XIRP2: variants seen among roughly 807,000 people sequenced by gnomAD.
The protein encoded by XIRP2 is xin actin-binding repeat-containing protein 2.
XIRP2 carries 236 observed loss-of-function variants against 277.0 expected under a neutral mutation model. The ratio of observed to expected loss-of-function variants is 0.85; its 90% CI spans 0.77 to 0.95. The LOEUF is 0.95. Ranked by LOEUF, XIRP2 falls within the 40% of genes least tolerant of loss-of-function variation. XIRP2 has a pLI of 0.00. For missense variants in XIRP2, 4,640 were observed against 4,157.5 expected, an observed-to-expected ratio of 1.12 and a Z score of -3.19; for synonymous variants, 1,490 against 1,416.5, an observed-to-expected ratio of 1.05 and a Z score of -1.17.
intron 2 of XIRP2, among the ~76,000 whole-genome samples, chr2:166,942,474 T>G (rs1337986442): frequency 6.6e-6 from 1 of 152,222 alleles, no homozygotes; most frequent in Non-Finnish European, 1.5e-5. Context: ...CATTTGCAAC[T>G]GCGGGCAGTC....
chr2:167,012,783 T>C (rs1687718642), intron 2 of XIRP2, among the ~76,000 whole-genome samples: 2 of 151,596 alleles, frequency 1.3e-5, no homozygotes, highest in African/African-American at 2.4e-5. Context: ...TACACAACAT[T>C]CTTCCTATGT....
intron 1 of XIRP2, among the ~76,000 whole-genome samples, chr2:166,902,902 G>C (rs988333281): frequency 6.6e-6 from 1 of 152,054 alleles, no homozygotes; most frequent in Admixed American, 6.6e-5. Context: ...ATAATGTTAA[G>C]ATTAAAATGA....
At chr2:166,889,930 T>G (rs1309067316) in intron 1 of XIRP2, 1 of 103,454 alleles carries the variant, frequency 9.7e-6, no homozygotes, top group Non-Finnish European at 2.5e-5. Flanking sequence ...TGAATGGTGT[T>G]GTGTCTTCTC....
chr2:167,060,393 A>G (rs1203435747), intron 2 of XIRP2, among the ~76,000 whole-genome samples: 1 of 152,138 alleles, frequency 6.6e-6, no homozygotes, highest in African/African-American at 2.4e-5. Context: ...AACCAAAGAG[A>G]ATTTTTCCTG....
intron 2 of XIRP2, among the ~76,000 whole-genome samples, chr2:166,981,176 G>T (rs1431979430): frequency 6.6e-6 from 1 of 152,036 alleles, no homozygotes; most frequent in Non-Finnish European, 1.5e-5. Flanking sequence ...GAACCTGGGG[G>T]TCTTACAACA....
intron 2 of XIRP2, among the ~76,000 whole-genome samples, chr2:166,925,596 CATATATAT>C (rs3060398): frequency 0.062 from 6,396 of 102,408 alleles, 389 homozygotes; most frequent in African/African-American, 0.15. Flanking sequence ...TGTGTATATA[CATATATAT>C]ATATATATAT....
chr2:167,126,917 C>T (rs1691222801), intron 2 of XIRP2, among the ~76,000 whole-genome samples: 2 of 152,138 alleles, frequency 1.3e-5, no homozygotes, highest in African/African-American at 4.8e-5. Flanking sequence ...TAACACCATG[C>T]CTGATATGTA....
Position 167,009,375 on chromosome 2 carries a change from C to T in XIRP2, c.408+105485C>T, listed in dbSNP as rs1247611260. On this transcript the variant is annotated intron_variant, in intron 2 of 10. Transcript: ENST00000409195. ...TGATGCTTTCCAATTTCATCCATGT[C>T]CCTACAAAGGACATGAACTCATCAT... Among the ~76,000 whole-genome samples, 3 of 151,948 alleles carry T rather than the reference C, an allele frequency of 2.0e-5. No individual in the cohort carries two copies. The East Asian group carries it at 5.8e-4, about 30-fold the overall frequency.
intron 2 of XIRP2, among the ~76,000 whole-genome samples, chr2:166,980,320 T>G (rs983608707): frequency 1.1e-4 from 17 of 152,182 alleles, no homozygotes; most frequent in Admixed American, 4.6e-4. Context: ...GGGTCATGCT[T>G]TTTAAATCCA....
At position 167,109,583 on chromosome 2, in the gene XIRP2, A is replaced by G. The variant is rs1690698620; in HGVS notation, c.409-26326A>G. On this transcript the variant is annotated intron_variant, in intron 2 of 10. Coordinates refer to ENST00000409195, the MANE Select transcript of XIRP2 (RefSeq NM_152381.6). Reference sequence around the variant, plus strand: ...GGCATGAGCCACTGTGCCCTGGCCAACCACATTTTCTTTAACCAGTCTAAC... The same window carrying G: ...GGCATGAGCCACTGTGCCCTGGCCAGCCACATTTTCTTTAACCAGTCTAAC... Among the ~76,000 whole-genome samples, 3 of 152,288 alleles carry G rather than the reference A, an allele frequency of 2.0e-5. No homozygotes were observed. The South Asian group carries it at 6.2e-4, about 32-fold the overall frequency.
intron 3 of XIRP2, among the ~76,000 whole-genome samples, chr2:167,176,450 A>T (rs776750980): frequency 6.6e-6 from 1 of 152,144 alleles, no homozygotes; most frequent in Non-Finnish European, 1.5e-5. Context: ...CCATTCAACC[A>T]TCTTGCCAGT....
intron 2 of XIRP2, among the ~76,000 whole-genome samples, chr2:167,091,918 C>T (rs1290536940): frequency 6.6e-6 from 1 of 152,036 alleles, no homozygotes; most frequent in Non-Finnish European, 1.5e-5. Context: ...GGGTCCAATC[C>T]CAAAGTCTAG....
At chr2:167,025,001 A>G (rs75235356) in intron 2 of XIRP2, among the ~76,000 whole-genome samples, 2 of 151,834 alleles carry the variant, frequency 1.3e-5, no homozygotes, top group African/African-American at 2.4e-5. Context: ...CTCTTTTTCT[A>G]TTGATTGGAA....
intron 2 of XIRP2, among the ~76,000 whole-genome samples, chr2:166,968,740 A>G (rs1225776415): frequency 6.6e-6 from 1 of 151,912 alleles, no homozygotes; most frequent in Admixed American, 6.6e-5. Flanking sequence ...AAGGTAAAAA[A>G]TTTGATTTTT....
At chr2:167,174,185 AAT>A (rs1428251179) in intron 3 of XIRP2, among the ~76,000 whole-genome samples, 1 of 152,152 alleles carries the variant, frequency 6.6e-6, no homozygotes, top group Admixed American at 6.5e-5. Context: ...TTTCAGAAGG[AAT>A]GGTACCAACT....
chr2:166,941,516 T>C (rs1390206430), intron 2 of XIRP2, among the ~76,000 whole-genome samples: 2 of 152,186 alleles, frequency 1.3e-5, no homozygotes, highest in Non-Finnish European at 2.9e-5. Flanking sequence ...AATACAGAAA[T>C]CACCCATCTT....
intron 2 of XIRP2, among the ~76,000 whole-genome samples, chr2:166,953,085 A>G (rs1379071286): frequency 6.6e-6 from 1 of 152,010 alleles, no homozygotes; most frequent in Non-Finnish European, 1.5e-5. Context: ...GGGGCTAGTT[A>G]TGGTGTCCCT....
chr2:167,125,912 CAGGACTGAACATCCATGAT>C (rs1375286747), intron 2 of XIRP2, among the ~76,000 whole-genome samples: 1 of 152,144 alleles, frequency 6.6e-6, no homozygotes, highest in Non-Finnish European at 1.5e-5. Flanking sequence ...TATGAAGTTA[CAGGACTGAACATCCATGAT>C]AGGACTGAAC....
chr2:167,156,755 G>C (rs908986424), intron 3 of XIRP2, among the ~76,000 whole-genome samples: 1 of 152,146 alleles, frequency 6.6e-6, no homozygotes, highest in African/African-American at 2.4e-5. Context: ...ATGACTTGTT[G>C]ACAGAATAAT....
Sources: allele counts gnomAD v4.1 joint callset (sites outside exome capture counted in the v4.1 genomes callset), GRCh38; gene constraint gnomAD v4.1.1; transcripts MANE v1.5; gene names NCBI Gene and HGNC (gene_info 2026-07-23, HGNC 2026-07-21).